The following ADGRL2 variants were observed in gnomAD, a reference collection of about 807,000 sequenced individuals.
The protein encoded by ADGRL2 is calcium-independent alpha-latrotoxin receptor 2.
In ADGRL2, 44 loss-of-function variants were observed where a neutral mutation model predicts 157.4. The observed-to-expected ratio is 0.28, with a 90% CI of 0.22 to 0.36. The LOEUF is 0.36. ADGRL2 is among the 10% of genes least tolerant of loss of function. ADGRL2 has a pLI of 1.00. For missense variants in ADGRL2, 1,510 were observed against 1,768.9 expected, an observed-to-expected ratio of 0.85 and a Z score of 2.63; for synonymous variants, 585 against 624.7, an observed-to-expected ratio of 0.94 and a Z score of 0.95.
At chr1:81,980,906 CAT>C in intron 18 of ADGRL2, 1 of 608,412 alleles carries the variant, frequency 1.6e-6, no homozygotes, top group Non-Finnish European at 3.1e-6. Flanking sequence ...TCGTCAGTAT[CAT>C]GAATTGCCCT....
intron 3 of ADGRL2, among the ~76,000 whole-genome samples, chr1:81,594,580 C>G (rs2081196083): frequency 6.6e-6 from 1 of 152,066 alleles, no homozygotes; most frequent in Non-Finnish European, 1.5e-5. Context: ...ACATTTATTC[C>G]ATTCCTTTTC....
intron 1 of ADGRL2, among the ~76,000 whole-genome samples, chr1:81,400,732 G>C (rs1264845258): frequency 6.6e-6 from 1 of 152,102 alleles, no homozygotes; most frequent in Non-Finnish European, 1.5e-5. Flanking sequence ...TGTCTTTTGG[G>C]CCCTGGGAGA....
At chr1:81,653,988 G>A (rs1174510267) in intron 3 of ADGRL2, among the ~76,000 whole-genome samples, 1 of 151,958 alleles carries the variant, frequency 6.6e-6, no homozygotes, top group Non-Finnish European at 1.5e-5. Flanking sequence ...GCCCAGGCTG[G>A]GGTACAGTGG....
At chr1:81,513,019 A>T (rs2079107833) in intron 2 of ADGRL2, among the ~76,000 whole-genome samples, 1 of 152,122 alleles carries the variant, frequency 6.6e-6, no homozygotes, top group Admixed American at 6.6e-5. Flanking sequence ...TAAATGTTCT[A>T]ATGTATTTGT....
chr1:81,354,283 G>A (rs1002232511), intron 1 of ADGRL2, among the ~76,000 whole-genome samples: 5 of 152,140 alleles, frequency 3.3e-5, no homozygotes, highest in Admixed American at 6.5e-5. Context: ...ACTTGCTCAA[G>A]GACACTTAAC....
chr1:81,794,693 T>C (rs2087502542), intron 2 of ADGRL2, among the ~76,000 whole-genome samples: 1 of 152,180 alleles, frequency 6.6e-6, no homozygotes, highest in Non-Finnish European at 1.5e-5. Flanking sequence ...CAAAAGCATA[T>C]GCCTATTACA....
At chr1:81,399,372 T>C (rs11485319) in intron 1 of ADGRL2, among the ~76,000 whole-genome samples, 331 of 152,374 alleles carry the variant, frequency 2.2e-3, no homozygotes, top group African/African-American at 7.6e-3. Context: ...AGGTTTTCTA[T>C]GCCTTTTTCC....
chr1:81,660,054 C>T (rs569969942), intron 3 of ADGRL2, among the ~76,000 whole-genome samples: 5 of 152,158 alleles, frequency 3.3e-5, no homozygotes, highest in African/African-American at 1.2e-4. Context: ...TCACCAATAC[C>T]ACATGGCCAT....
intron 1 of ADGRL2, among the ~76,000 whole-genome samples, chr1:81,704,208 C>A (rs2083661702): frequency 6.6e-6 from 1 of 152,228 alleles, no homozygotes; most frequent in Non-Finnish European, 1.5e-5. Flanking sequence ...CCAGTTAAAT[C>A]TAATACCTGT....
chr1:81,692,548 G>A (rs896312736), intron 3 of ADGRL2, among the ~76,000 whole-genome samples: 3 of 152,118 alleles, frequency 2.0e-5, no homozygotes, highest in Non-Finnish European at 4.4e-5. Context: ...GAGCAAGCAA[G>A]ACACAAGTAG....
At chr1:81,529,407 A>C (rs1231268913) in intron 2 of ADGRL2, among the ~76,000 whole-genome samples, 1 of 152,250 alleles carries the variant, frequency 6.6e-6, no homozygotes, top group Non-Finnish European at 1.5e-5. Flanking sequence ...AGAAAGAATA[A>C]GCAGCATGTT....
intron 18 of ADGRL2, 72 bp from the exon 19 acceptor site, chr1:81,981,736 T>G: frequency 8.4e-7 from 1 of 1,190,348 alleles, no homozygotes; most frequent in Non-Finnish European, 1.2e-6. Flanking sequence ...ACTACTGATA[T>G]GTTAACATTT....
intron 2 of ADGRL2, among the ~76,000 whole-genome samples, chr1:81,778,553 G>T (rs1308302129): frequency 6.6e-6 from 1 of 152,000 alleles, no homozygotes; most frequent in Non-Finnish European, 1.5e-5. Flanking sequence ...AAATGTTGAT[G>T]ACATCGTCTT....
intron 3 of ADGRL2, among the ~76,000 whole-genome samples, chr1:81,927,422 C>T (rs1207960050): frequency 6.6e-6 from 1 of 151,788 alleles, no homozygotes; most frequent in African/African-American, 2.4e-5. Flanking sequence ...GATTTAATCA[C>T]AGGTGCAATT....
intron 3 of ADGRL2, among the ~76,000 whole-genome samples, chr1:81,934,094 A>T (rs2095274708): frequency 6.6e-6 from 1 of 152,004 alleles, no homozygotes. Context: ...GTTTTGCTTA[A>T]GATTATAGTT....
intron 2 of ADGRL2, among the ~76,000 whole-genome samples, chr1:81,898,654 T>G (rs1023020254): frequency 6.6e-6 from 1 of 152,194 alleles, no homozygotes; most frequent in Non-Finnish European, 1.5e-5. Flanking sequence ...TTTTAAAAAT[T>G]GTGCTTAGTT....
chr1:81,381,978 C>T (rs1319515468), intron 1 of ADGRL2, among the ~76,000 whole-genome samples: 1 of 152,208 alleles, frequency 6.6e-6, no homozygotes, highest in East Asian at 1.9e-4. Context: ...TTTGTGATTC[C>T]TTTGTCTAAC....
chr1:81,514,940 GAT>G (rs1235259898), intron 2 of ADGRL2: 1 of 152,194 alleles, frequency 6.6e-6, no homozygotes, highest in African/African-American at 2.4e-5. Context: ...AAAGTGAAAT[GAT>G]AGAAAAACAA....
In ADGRL2 at chr1:81,374,527, G is replaced by A. The variant is rs181715173; in HGVS notation, c.-302+68018G>A. On this transcript the variant is annotated intron_variant, in intron 1 of 24. Transcript: ENST00000370721. ...ATGGAGGTTGCAGTGAGCTGAGATC[G>A]TGCCACTGCACTCCAGCCTAAGCAA... 4.0e-3 allele frequency among the ~76,000 whole-genome samples: 572 copies of A among 144,176 alleles called. 13 individuals are homozygous for A. The highest frequency in any genetic ancestry group is 0.036 in the Admixed American group (500 of 13,868). 94.6% of individuals were successfully genotyped at this position (144,176 alleles called of 152,430 possible).
Sources: allele counts gnomAD v4.1 joint callset (sites outside exome capture counted in the v4.1 genomes callset), GRCh38; gene constraint gnomAD v4.1.1; transcripts MANE v1.5; gene names NCBI Gene and HGNC (gene_info 2026-07-23, HGNC 2026-07-21).